The following TAL1 variants were observed in gnomAD, a reference collection of about 807,000 sequenced individuals.
TAL1 encodes TAL bHLH transcription factor 1, erythroid differentiation factor, also known as T-cell acute lymphocytic leukemia protein 1.
In TAL1, 8 loss-of-function variants were observed where a neutral mutation model predicts 17.9. That is an observed-to-expected ratio of 0.45 (90% CI 0.26 to 0.81). The LOEUF (loss-of-function observed/expected upper bound fraction) is 0.81, where lower values mean the gene tolerates loss of function less well. Among genes scored for constraint, TAL1 ranks in the 30% least tolerant of loss-of-function variants. The probability of loss-of-function intolerance (pLI) is 0.17; values close to 1 mark genes in which losing one functional copy is unlikely to be tolerated. For missense variants in TAL1, 466 were observed against 486.9 expected (o/e 0.96, Z 0.40); for synonymous variants, 223 against 218.6 (o/e 1.02, Z -0.18).
At chr1:47,220,054 T>C (rs1385389764) in exon 4 of TAL1, 2 of 1,613,984 alleles carry the variant, frequency 1.2e-6, no homozygotes, top group South Asian at 1.1e-5. Context: ...GCTGAGCTTC[T>C]TGTCCGGGGG....
chr1:47,226,035 T>G (rs1395382852), intron 1 of TAL1, 146 bp from the exon 3 acceptor site: 23 of 298,028 alleles, frequency 7.7e-5, no homozygotes, highest in African/African-American at 8.7e-5. Flanking sequence ...TAGCGCCACG[T>G]GGGGCTAGGG....
exon 4 of TAL1, chr1:47,217,387 T>A (rs112017348): frequency 5.9e-5 from 21 of 353,160 alleles, no homozygotes; most frequent in African/African-American, 6.5e-5. Context: ...ACACCGTCTC[T>A]CACACACACA....
exon 4 of TAL1, chr1:47,217,587 C>T (rs1011758881): frequency 1.8e-5 from 7 of 398,476 alleles, no homozygotes; most frequent in Middle Eastern, 6.2e-4. Flanking sequence ...AAGTTCTTTA[C>T]GTTCTCAAAA....
In TAL1 at chr1:47,224,403, AACACACAC is replaced by A. The variant is rs3835389; in HGVS notation, c.447-313_447-306del. Among the ~76,000 whole-genome samples the A allele has an allele frequency of 6.2e-3, 929 of 148,710 alleles. 7 individuals carry two copies. Among genetic ancestry groups the A allele is most frequent in the Admixed American group, 0.011 (161 of 15,006 alleles). Reference sequence around the variant, plus strand: ...AACACATGGAATAAACACAAAAATGAACACACACACACACACACACACACACTTCACAG... The same window carrying A: ...AACACATGGAATAAACACAAAAATGAACACACACACACACACACTTCACAG... On this transcript the variant is annotated intron_variant, in intron 2 of 3. Transcript: ENST00000294339.
intron 2 of TAL1, 61 bp from the exon 4 acceptor site, chr1:47,224,159 C>T: frequency 6.5e-7 from 1 of 1,542,734 alleles, no homozygotes; most frequent in East Asian, 2.3e-5. Context: ...GAAAGAGCTT[C>T]CTTAGGGATC....
chr1:47,224,939 G>A (rs994367838), intron 2 of TAL1, among the ~76,000 whole-genome samples: 1 of 152,240 alleles, frequency 6.6e-6, no homozygotes, highest in African/African-American at 2.4e-5. Flanking sequence ...CCCTCCAGCA[G>A]AGATTCGGGG....
chr1:47,219,919 C>A, exon 4 of TAL1: 2 of 1,501,294 alleles, frequency 1.3e-6, no homozygotes, highest in East Asian at 2.4e-5. Context: ...ACCTCCACCC[C>A]CACCAGCCCC....
At chr1:47,222,681 C>A (rs1267116529) in intron 3 of TAL1, among the ~76,000 whole-genome samples, 1 of 152,234 alleles carries the variant, frequency 6.6e-6, no homozygotes, top group East Asian at 1.9e-4. Flanking sequence ...CAGAGAACCA[C>A]CCCCTCTCCT....
chr1:47,227,241 G>A (rs1643926935), intron 1 of TAL1: 1 of 152,206 alleles, frequency 6.6e-6, no homozygotes, highest in African/African-American at 2.4e-5. Flanking sequence ...GAAAAATCAG[G>A]AGACTCAAGG....
At chr1:47,219,300 GGCCACCCCA>G in exon 4 of TAL1, 2 of 486,566 alleles carry the variant, frequency 4.1e-6, no homozygotes, top group Non-Finnish European at 7.7e-6. Context: ...TGGCCACACA[GGCCACCCCA>G]GCCAGCTTGG....
chr1:47,217,912 T>C, exon 4 of TAL1: 3 of 397,196 alleles, frequency 7.6e-6, no homozygotes, highest in Middle Eastern at 6.3e-4. Flanking sequence ...AAACATGATC[T>C]GGGGAGCCTG....
At position 47,219,878 on chromosome 1, in the gene TAL1, G is replaced by T. The variant is rs746691871; in HGVS notation, c.838C>A (p.Leu280Ile). 4.5e-5 allele frequency: 71 copies of T among 1,581,738 alleles called. No individual in the cohort carries two copies. In the South Asian group the frequency reaches 8.0e-4, roughly 18 times the overall value. The change falls in exon 4 of 4, where the codon CTC becomes ATC. Residue 280 changes from leucine to isoleucine, a missense_variant. By Grantham distance (5) the Leu-to-Ile change is conservative. Transcript: ENST00000294339. ...TTGGGGGAAAGCACGTCTTGCAGGA[G>T]GTCATCTGGGGGCGCGCCGCCCCCT...
chr1:47,219,169 A>C (rs1645558526), exon 4 of TAL1: 21 of 426,742 alleles, frequency 4.9e-5, no homozygotes, highest in South Asian at 4.7e-4. Context: ...GCCCTGAAGA[A>C]GGCACCTCGA....
At chr1:47,225,874 C>T in exon 2 of TAL1, 1 of 1,574,818 alleles carries the variant, frequency 6.3e-7, no homozygotes, top group Non-Finnish European at 8.6e-7. Flanking sequence ...CCTCGCTCGG[C>T]GGCCGCTCGG....
chr1:47,227,095 G>A (rs545226647), intron 1 of TAL1: 15 of 152,282 alleles, frequency 9.9e-5, no homozygotes, highest in African/African-American at 3.4e-4. Flanking sequence ...TATTCCCAGA[G>A]CAGTGAAACC....
exon 4 of TAL1, chr1:47,220,009 A>G: frequency 1.2e-6 from 2 of 1,610,436 alleles, no homozygotes; most frequent in Non-Finnish European, 1.7e-6. Context: ...CAAGAAGTTG[A>G]TATACTTCAT....
At chr1:47,217,104 G>A (rs879935403) in exon 4 of TAL1, 4 of 235,740 alleles carry the variant, frequency 1.7e-5, no homozygotes, top group Non-Finnish European at 2.5e-5. Context: ...TCTGGGCTGG[G>A]TGCAATGGCT....
At position 47,226,130 on chromosome 1, in the gene TAL1, T is replaced by G. The variant is rs998513328; in HGVS notation, c.-1-241A>C. 4.6e-4 allele frequency: 219 copies of G among 476,836 alleles called. 1 individual carries two copies. Among genetic ancestry groups the G allele is most frequent in the Admixed American group, 4.7e-4 (11 of 23,250 alleles). 29.5% of individuals were successfully genotyped at this position (476,836 alleles called of 1,614,324 possible). On this transcript the variant is annotated intron_variant, in intron 1 of 3. Transcript: ENST00000294339. ...AGGGGTGCCTGGGAGACACAGAGAC[T>G]GAGGGCCAAAAGGACAGAGATGGAG...
intron 3 of TAL1, among the ~76,000 whole-genome samples, chr1:47,222,354 C>T (rs1329040113): frequency 6.6e-5 from 10 of 152,180 alleles, no homozygotes; most frequent in African/African-American, 2.2e-4. Context: ...CTTGATCAAG[C>T]TGGGTAACCT....
Sources: allele counts gnomAD v4.1 joint callset (sites outside exome capture counted in the v4.1 genomes callset), GRCh38; gene constraint gnomAD v4.1.1; transcripts MANE v1.5; gene names NCBI Gene and HGNC (gene_info 2026-07-23, HGNC 2026-07-21).